The following FREM1 variants were observed in gnomAD, a reference collection of about 807,000 sequenced individuals.
FREM1 encodes FRAS1 related extracellular matrix 1.
A neutral mutation model predicts 210.1 loss-of-function variants in FREM1; 220 were observed. That is an observed-to-expected ratio of 1.05 (90% CI 0.94 to 1.17). The LOEUF is 1.17. FREM1 is among the 50% of genes most tolerant of loss of function. The pLI, the probability that FREM1 is intolerant of heterozygous loss-of-function variation, is 0.00. For missense variants in FREM1, 3,454 were observed against 2,675.5 expected (o/e 1.29, Z -6.42); for synonymous variants, 1,189 against 980.2 (o/e 1.21, Z -3.98).
intron 1 of FREM1, among the ~76,000 whole-genome samples, chr9:14,881,769 C>G (rs1834831594): frequency 6.6e-6 from 1 of 152,188 alleles, no homozygotes; most frequent in Admixed American, 6.5e-5. Context: ...ATTTCACAGT[C>G]TCTCTTGTAG....
At chr9:14,823,390 G>A in intron 12 of FREM1, 63 bp from the exon 13 acceptor site, 1 of 1,425,732 alleles carries the variant, frequency 7.0e-7, no homozygotes, top group South Asian at 1.4e-5. Context: ...GCTTTTAGAG[G>A]TCCAAGAGAA....
At chr9:14,752,667 A>G (rs1193893290) in intron 29 of FREM1, among the ~76,000 whole-genome samples, 2 of 152,228 alleles carry the variant, frequency 1.3e-5, no homozygotes. Context: ...GCATGAAAAG[A>G]TAAGAGGTGG....
rs527334365 is a variant in FREM1, at chr9:14,756,293, C to T, written c.5407+81G>A. 55 of 1,013,090 alleles carry T rather than the reference C, an allele frequency of 5.4e-5. No homozygotes were observed. In the South Asian group the frequency reaches 7.5e-4, roughly 14 times the overall value. 62.8% of individuals were successfully genotyped at this position (1,013,090 alleles called of 1,614,324 possible). ...TGGCTAAAGTTGTGTAACATTCTATCTTCTCTACAATCTCCAGACATGCCT... is the reference window on the plus strand; with the variant it reads ...TGGCTAAAGTTGTGTAACATTCTATTTTCTCTACAATCTCCAGACATGCCT... On this transcript the variant is annotated intron_variant, in intron 29 of 36. Transcript: ENST00000380880.
intron 1 of FREM1, among the ~76,000 whole-genome samples, chr9:14,881,227 G>A (rs970511700): frequency 3.3e-5 from 5 of 152,122 alleles, no homozygotes; most frequent in African/African-American, 4.8e-5. Flanking sequence ...CACATAAAAC[G>A]AAGACTTTGA....
chr9:14,826,779 C>T (rs924927407), intron 10 of FREM1, among the ~76,000 whole-genome samples: 1 of 152,150 alleles, frequency 6.6e-6, no homozygotes, highest in African/African-American at 2.4e-5. Context: ...GGAATGAATT[C>T]ATCTTCTATC....
intron 24 of FREM1, among the ~76,000 whole-genome samples, chr9:14,779,912 T>G (rs1489441543): frequency 1.3e-5 from 2 of 152,052 alleles, no homozygotes; most frequent in African/African-American, 4.8e-5. Flanking sequence ...CAAGTAACAG[T>G]GCAAACTACT....
At chr9:14,872,137 A>T (rs1428456168) in intron 1 of FREM1, among the ~76,000 whole-genome samples, 1 of 152,090 alleles carries the variant, frequency 6.6e-6, no homozygotes, top group African/African-American at 2.4e-5. Context: ...CTTAGGATTG[A>T]CTTGGCAATG....
chr9:14,831,186 G>A (rs183712607), intron 10 of FREM1, among the ~76,000 whole-genome samples: 207 of 152,278 alleles, frequency 1.4e-3, no homozygotes, highest in African/African-American at 3.8e-3. Context: ...CCTCTGGACC[G>A]GACACAGCCT....
chr9:14,822,457 T>C (rs1821544370), intron 13 of FREM1, among the ~76,000 whole-genome samples: 1 of 152,054 alleles, frequency 6.6e-6, no homozygotes, highest in African/African-American at 2.4e-5. Flanking sequence ...GTGTAGGCTC[T>C]GGTCCCTTCT....
intron 24 of FREM1, among the ~76,000 whole-genome samples, chr9:14,777,657 T>C (rs199717339): frequency 0.12 from 5,758 of 48,372 alleles, 141 homozygotes; most frequent in South Asian, 0.23. Flanking sequence ...AAGTTCTTTT[T>C]TAACTAGAGA....
intron 25 of FREM1, chr9:14,774,189 T>C (rs1308958128): frequency 5.8e-6 from 3 of 514,958 alleles, no homozygotes; most frequent in African/African-American, 1.9e-5. Context: ...ACTTCCCTCA[T>C]AGATAAGAGT....
In FREM1 at chr9:14,776,104, C is replaced by T. The variant is rs545742838; in HGVS notation, c.4542G>A (p.Gly1514=). The part of the protein sequence containing the change: ...RALPVVTRNK[G]LRLAQGAVGL... ...CCACGGCCCCTTGGGCCAGTCTCAA[C>T]CCCTTGTTCCTGGTTACCACAGGCA... The change falls in exon 25 of 37, where the codon GGG becomes GGA. Residue 1514 remains glycine, a synonymous_variant. Transcript: ENST00000380880. 2 of 1,604,594 alleles carry T rather than the reference C, an allele frequency of 1.2e-6. No homozygotes were observed. Among genetic ancestry groups the T allele is most frequent in the Admixed American group, 3.4e-5 (2 of 59,500 alleles).
At chr9:14,749,606 A>G in intron 30 of FREM1, among the ~76,000 whole-genome samples, 1 of 152,224 alleles carries the variant, frequency 6.6e-6, no homozygotes. Context: ...TTTAGCATAG[A>G]CAATCCAGGA....
chr9:14,885,260 T>C (rs947131314), intron 1 of FREM1, among the ~76,000 whole-genome samples: 1 of 152,136 alleles, frequency 6.6e-6, no homozygotes, highest in Non-Finnish European at 1.5e-5. Flanking sequence ...GTGATCTAGG[T>C]AGTTATCACC....
chr9:14,823,641 G>A (rs1821788654), intron 12 of FREM1, among the ~76,000 whole-genome samples: 1 of 152,098 alleles, frequency 6.6e-6, no homozygotes, highest in Admixed American at 6.5e-5. Flanking sequence ...TTATGTCCTG[G>A]CAGTTTATTT....
intron 1 of FREM1, among the ~76,000 whole-genome samples, chr9:14,893,788 GTTGTT>G (rs901468796): frequency 6.6e-6 from 1 of 151,064 alleles, no homozygotes; most frequent in African/African-American, 2.5e-5. Flanking sequence ...AGGTTAAAGG[GTTGTT>G]TTAAGTTAGA....
chr9:14,798,737 G>A (rs937160190), intron 20 of FREM1, among the ~76,000 whole-genome samples: 1 of 152,044 alleles, frequency 6.6e-6, no homozygotes, highest in Non-Finnish European at 1.5e-5. Flanking sequence ...GCAGTGACAT[G>A]ATATTGGCTC....
intron 1 of FREM1, among the ~76,000 whole-genome samples, chr9:14,896,593 A>G (rs917185968): frequency 1.3e-5 from 2 of 150,884 alleles, no homozygotes; most frequent in African/African-American, 4.9e-5. Flanking sequence ...CCCCTTGTTT[A>G]GCATATAACT....
intron 24 of FREM1, among the ~76,000 whole-genome samples, chr9:14,781,725 T>C (rs1006557945): frequency 6.6e-6 from 1 of 152,128 alleles, no homozygotes; most frequent in Admixed American, 6.5e-5. Flanking sequence ...TTTTTTGAGA[T>C]GGAGTTTCGC....
Sources: allele counts gnomAD v4.1 joint callset (sites outside exome capture counted in the v4.1 genomes callset), GRCh38; gene constraint gnomAD v4.1.1; transcripts MANE v1.5; gene names NCBI Gene and HGNC (gene_info 2026-07-23, HGNC 2026-07-21).